Variants in SLC60A1 observed in about 807,000 individuals in gnomAD.
The protein encoded by SLC60A1 is major facilitator superfamily domain containing 4.
the SLC60A1 span, chr1:205,581,052 A>G: frequency 1.6e-6 from 2 of 1,263,594 alleles, no homozygotes; most frequent in Admixed American, 2.5e-5. The surrounding 1 kb of genome is among the most constrained non-coding windows in gnomAD (Gnocchi z 4.2). Context: ...TCCCAGAGGC[A>G]GGAGGATGGG....
chr1:205,579,659 G>A, the SLC60A1 span: 67 of 1,418,376 alleles, frequency 4.7e-5, no homozygotes, highest in African/African-American at 8.8e-4. Context: ...GGGGAGAAAT[G>A]TCTTGGCTGC....
At chr1:205,600,261 A>T in the SLC60A1 span, 1 of 703,338 alleles carries the variant, frequency 1.4e-6, no homozygotes. Flanking sequence ...CGCCAGAACT[A>T]GGGGGTCTGA....
chr1:205,594,283 T>C, the SLC60A1 span, among the ~76,000 whole-genome samples: 1 of 152,204 alleles, frequency 6.6e-6, no homozygotes, highest in Non-Finnish European at 1.5e-5. Flanking sequence ...ATAAATGAAG[T>C]AATGAAATAA....
the SLC60A1 span, among the ~76,000 whole-genome samples, chr1:205,573,313 G>A: frequency 5.3e-5 from 8 of 152,062 alleles, no homozygotes; most frequent in Admixed American, 3.3e-4. Flanking sequence ...CCAGCTACTC[G>A]GGAGGCTGAG....
At chr1:205,586,886 G>A in the SLC60A1 span, among the ~76,000 whole-genome samples, 2 of 151,998 alleles carry the variant, frequency 1.3e-5, no homozygotes. Flanking sequence ...TAATGGTGAT[G>A]GGGTTTCACC....
At chr1:205,584,080 G>T in the SLC60A1 span, 1 of 1,614,078 alleles carries the variant, frequency 6.2e-7, no homozygotes, top group East Asian at 2.2e-5. Context: ...CTCCTGAGAA[G>T]GAAGATGCCT....
chr1:205,602,199 A>T, the SLC60A1 span: 12 of 152,580 alleles, frequency 7.9e-5, no homozygotes, highest in African/African-American at 2.9e-4. Flanking sequence ...TATAAAAATT[A>T]AGTGATCATG....
At chr1:205,596,228 A>G in the SLC60A1 span, among the ~76,000 whole-genome samples, 1 of 152,220 alleles carries the variant, frequency 6.6e-6, no homozygotes, top group East Asian at 1.9e-4. Flanking sequence ...AGGCATGGCC[A>G]TCCTCTCCTG....
chr1:205,580,840 C>T, the SLC60A1 span: 22 of 1,614,064 alleles, frequency 1.4e-5, no homozygotes, highest in Non-Finnish European at 1.7e-5. The surrounding 1 kb of genome is among the most constrained non-coding windows in gnomAD (Gnocchi z 5.0). Flanking sequence ...CTTGGTCCAA[C>T]CAGACGTTCC....
At chr1:205,589,848 A>G in the SLC60A1 span, among the ~76,000 whole-genome samples, 56,169 of 152,100 alleles carry the variant, frequency 0.37, 10,747 homozygotes, top group Non-Finnish European at 0.43. Context: ...GTCCAGGCGC[A>G]AGAGGGAGGT....
At chr1:205,592,124 A>G in the SLC60A1 span, 1 of 1,613,156 alleles carries the variant, frequency 6.2e-7, no homozygotes, top group South Asian at 1.1e-5. Flanking sequence ...AACCGCCTCC[A>G]CCTCTGCCGC....
the SLC60A1 span, among the ~76,000 whole-genome samples, chr1:205,582,912 C>T: frequency 7.2e-4 from 110 of 152,316 alleles, no homozygotes; most frequent in African/African-American, 2.5e-3. Flanking sequence ...AAGGGCTCCC[C>T]CAGAACACCA....
At chr1:205,590,158 C>A in the SLC60A1 span, among the ~76,000 whole-genome samples, 11 of 152,140 alleles carry the variant, frequency 7.2e-5, no homozygotes, top group Non-Finnish European at 1.5e-4. Flanking sequence ...CTGGACACAG[C>A]TCATGGCTAG....
At chr1:205,601,149 CTT>C in the SLC60A1 span, 9 of 152,328 alleles carry the variant, frequency 5.9e-5, no homozygotes, top group East Asian at 1.9e-4. Context: ...ATCATACAAA[CTT>C]ATAATTAAAT....
chr1:205,574,872 C>T, the SLC60A1 span, among the ~76,000 whole-genome samples: 1 of 152,124 alleles, frequency 6.6e-6, no homozygotes, highest in Non-Finnish European at 1.5e-5. Context: ...TTGCAGCTCC[C>T]AACCTCAGAG....
At chr1:205,587,662 A>G in the SLC60A1 span, among the ~76,000 whole-genome samples, 1 of 152,182 alleles carries the variant, frequency 6.6e-6, no homozygotes, top group Non-Finnish European at 1.5e-5. Context: ...TGAAAATACC[A>G]TTGTGAGAGA....
chr1:205,590,561 C>A, the SLC60A1 span, among the ~76,000 whole-genome samples: 2 of 152,156 alleles, frequency 1.3e-5, no homozygotes, highest in Non-Finnish European at 1.5e-5. Context: ...GACGGAAGGG[C>A]TGCTAGAGGA....
the SLC60A1 span, among the ~76,000 whole-genome samples, chr1:205,583,342 C>G: frequency 6.6e-6 from 1 of 152,134 alleles, no homozygotes; most frequent in Non-Finnish European, 1.5e-5. Context: ...GTTTTCAAGC[C>G]CCTGAGAAGA....
At chr1:205,583,814 G>A in the SLC60A1 span, 1 of 1,152,524 alleles carries the variant, frequency 8.7e-7, no homozygotes, top group Middle Eastern at 3.1e-4. Flanking sequence ...CTTAGGTTGG[G>A]ATGGCTCAGC....
Sources: allele counts gnomAD v4.1 joint callset (sites outside exome capture counted in the v4.1 genomes callset), GRCh38; gene constraint gnomAD v4.1.1; non-coding constraint Gnocchi (gnomAD v3.1); transcripts MANE v1.5; gene names NCBI Gene and HGNC (gene_info 2026-07-23, HGNC 2026-07-21).